Variants in ZNF804B observed in about 807,000 individuals in gnomAD.
The protein encoded by ZNF804B is zinc finger protein 804B, also known as zinc finger 804B.
In ZNF804B, 80 loss-of-function variants were observed where a neutral mutation model predicts 101.4. That is an observed-to-expected ratio of 0.79 (90% CI 0.66 to 0.95). The LOEUF is 0.95. Ranked by LOEUF, ZNF804B falls within the 40% of genes least tolerant of loss-of-function variation. The pLI, the probability that ZNF804B is intolerant of heterozygous loss-of-function variation, is 0.00. For missense variants in ZNF804B, 1,673 were observed against 1,561.9 expected (o/e 1.07, Z -1.20); for synonymous variants, 622 against 558.8 (o/e 1.11, Z -1.59).
chr7:88,930,069 T>G (rs1792860630), intron 1 of ZNF804B, among the ~76,000 whole-genome samples: 1 of 151,938 alleles, frequency 6.6e-6, no homozygotes, highest in African/African-American at 2.4e-5. Flanking sequence ...TAAATTATTT[T>G]TTAGATAATT....
intron 1 of ZNF804B, among the ~76,000 whole-genome samples, chr7:88,990,060 T>C (rs886997791): frequency 6.6e-6 from 1 of 152,016 alleles, no homozygotes; most frequent in Non-Finnish European, 1.5e-5. Flanking sequence ...TAGCCAATGA[T>C]AACTAATATT....
chr7:88,906,505 T>C (rs1792472837), intron 1 of ZNF804B, among the ~76,000 whole-genome samples: 1 of 152,152 alleles, frequency 6.6e-6, no homozygotes, highest in Non-Finnish European at 1.5e-5. Flanking sequence ...CCAGGAGTTA[T>C]TCAGGAGCAA....
At chr7:89,290,365 T>A (rs573924275) in intron 2 of ZNF804B, among the ~76,000 whole-genome samples, 2 of 152,094 alleles carry the variant, frequency 1.3e-5, no homozygotes, top group African/African-American at 2.4e-5. Context: ...GTCTTGCACC[T>A]TAGGCACCAT....
intron 1 of ZNF804B, among the ~76,000 whole-genome samples, chr7:89,066,594 T>G (rs1789457842): frequency 6.6e-6 from 1 of 152,056 alleles, no homozygotes; most frequent in Non-Finnish European, 1.5e-5. Context: ...CAGACTGGAC[T>G]TTTTTTAAAA....
At chr7:88,919,832 T>C (rs565795126) in intron 1 of ZNF804B, among the ~76,000 whole-genome samples, 1 of 152,232 alleles carries the variant, frequency 6.6e-6, no homozygotes, top group South Asian at 2.1e-4. Context: ...TCATGACCTC[T>C]TATATCCTAA....
At chr7:89,015,528 T>A (rs1788537173) in intron 1 of ZNF804B, among the ~76,000 whole-genome samples, 1 of 148,198 alleles carries the variant, frequency 6.7e-6, no homozygotes, top group South Asian at 2.3e-4. Flanking sequence ...AATGTTCCCC[T>A]TCCTGTGTCC....
At position 89,335,450 on chromosome 7, in the gene ZNF804B, CGAGAA is replaced by C; in HGVS notation, c.2469_2473del (p.Arg824HisfsTer4). 6.2e-7 allele frequency: 1 copy of C among 1,613,904 alleles called. No individual in the cohort carries two copies. Among genetic ancestry groups the C allele is most frequent in the Non-Finnish European group, 8.5e-7 (1 of 1,179,958 alleles). On this transcript the variant is annotated frameshift_variant, in exon 4 of 4. Transcript: ENST00000333190. LOFTEE classifies it high-confidence loss of function. The stretch of plus-strand genomic sequence containing the variant: ...CAACAATTTTCAGGGCTAAAATCTA[CGAGAA>C]TCATCTATTGTGATTCTAACTCACA...
chr7:88,859,106 G>C (rs906021788), intron 1 of ZNF804B, among the ~76,000 whole-genome samples: 1 of 151,840 alleles, frequency 6.6e-6, no homozygotes, highest in Non-Finnish European at 1.5e-5. Context: ...GGTTTTATTG[G>C]GTTTATTTTC....
At chr7:89,038,421 T>C (rs902285551) in intron 1 of ZNF804B, among the ~76,000 whole-genome samples, 3 of 152,222 alleles carry the variant, frequency 2.0e-5, no homozygotes, top group African/African-American at 7.2e-5. Context: ...TTAGTAATGT[T>C]AAGCATCTTT....
At chr7:88,901,475 GAAA>G (rs1299474019) in intron 1 of ZNF804B, among the ~76,000 whole-genome samples, 1 of 151,762 alleles carries the variant, frequency 6.6e-6, no homozygotes, top group Non-Finnish European at 1.5e-5. Flanking sequence ...TTGCAAATTA[GAAA>G]TAGTAAAAAC....
intron 1 of ZNF804B, among the ~76,000 whole-genome samples, chr7:89,168,873 G>GCTCCCAAGATGGGGGCGGGCCA (rs1287457157): frequency 3.9e-5 from 6 of 151,938 alleles, no homozygotes; most frequent in African/African-American, 1.5e-4. Context: ...TGTTCTTGGA[G>GCTCCCAAGATGGGGGCGGGCCA]CTCCCAAGAT....
rs113516924 is a variant in ZNF804B, at chr7:88,908,967, G to A, written c.108+148883G>A. On this transcript the variant is annotated intron_variant, in intron 1 of 3. Coordinates refer to ENST00000333190, the MANE Select transcript of ZNF804B (RefSeq NM_181646.5). The stretch of plus-strand genomic sequence containing the variant: ...AGTATTTATTGAGATATATACCACT[G>A]CAGATGTGAGAAATTAAAACATTTT... Among the ~76,000 whole-genome samples, 7 of 151,842 alleles carry A rather than the reference G, an allele frequency of 4.6e-5. 1 individual carries two copies. The highest frequency in any genetic ancestry group is 1.7e-4 in the African/African-American group (7 of 41,528).
intron 1 of ZNF804B, among the ~76,000 whole-genome samples, chr7:89,021,656 G>A (rs1584078277): frequency 6.6e-6 from 1 of 152,128 alleles, no homozygotes; most frequent in East Asian, 1.9e-4. Flanking sequence ...AGTGGGTGCT[G>A]GTTTCTCTGC....
At chr7:88,962,264 A>G (rs2116091735) in intron 1 of ZNF804B, among the ~76,000 whole-genome samples, 1 of 151,362 alleles carries the variant, frequency 6.6e-6, no homozygotes, top group African/African-American at 2.4e-5. Flanking sequence ...CTCTTCACAC[A>G]GCATCATTTG....
intron 1 of ZNF804B, among the ~76,000 whole-genome samples, chr7:89,035,934 A>C (rs1159806887): frequency 7.0e-6 from 1 of 143,284 alleles, no homozygotes; most frequent in Admixed American, 7.2e-5. Context: ...ATATTAATAT[A>C]TTATATTATA....
At chr7:89,330,181 T>C (rs1035650326) in intron 3 of ZNF804B, among the ~76,000 whole-genome samples, 6 of 151,666 alleles carry the variant, frequency 4.0e-5, no homozygotes, top group African/African-American at 1.4e-4. Flanking sequence ...CTATAAAAAT[T>C]GAAGTTTCAT....
intron 1 of ZNF804B, among the ~76,000 whole-genome samples, chr7:88,855,648 C>T (rs1480767230): frequency 2.0e-5 from 3 of 152,106 alleles, no homozygotes; most frequent in Non-Finnish European, 4.4e-5. Flanking sequence ...GTTGCCATTG[C>T]TTTTGGTGTT....
At chr7:89,310,723 G>T (rs1006152991) in intron 2 of ZNF804B, among the ~76,000 whole-genome samples, 1 of 152,180 alleles carries the variant, frequency 6.6e-6, no homozygotes, top group African/African-American at 2.4e-5. Context: ...TCAATAAAAT[G>T]TTAGGTTGTA....
chr7:89,178,417 T>C (rs1344923287), intron 1 of ZNF804B, among the ~76,000 whole-genome samples: 4 of 152,066 alleles, frequency 2.6e-5, no homozygotes, highest in Admixed American at 6.5e-5. Flanking sequence ...ATTTTTTGTG[T>C]ATCTGTTGTA....
Sources: allele counts gnomAD v4.1 joint callset (sites outside exome capture counted in the v4.1 genomes callset), GRCh38; gene constraint gnomAD v4.1.1; transcripts MANE v1.5; gene names NCBI Gene and HGNC (gene_info 2026-07-23, HGNC 2026-07-21).